CP: variants seen among roughly 807,000 people sequenced by gnomAD.
CP encodes the protein caeruloplasmin.
Under a neutral mutation model 122.4 loss-of-function variants are expected in CP, and 64 were observed. The ratio of observed to expected loss-of-function variants is 0.52; its 90% CI spans 0.43 to 0.64. The LOEUF is 0.64. CP is among the 30% of genes least tolerant of loss of function. The pLI is 0.00. For synonymous variants in CP, 440 were observed against 436.4 expected, an observed-to-expected ratio of 1.01 and a Z score of -0.10; for missense variants, 1,167 against 1,284.4, an observed-to-expected ratio of 0.91 and a Z score of 1.40.
chr3:149,181,643 G>C (rs889953673), intron 14 of CP, among the ~76,000 whole-genome samples: 1 of 152,144 alleles, frequency 6.6e-6, no homozygotes, highest in Non-Finnish European at 1.5e-5. Flanking sequence ...GGCAGCCTCT[G>C]GCCCTTAGAA....
intron 9 of CP, among the ~76,000 whole-genome samples, chr3:149,194,297 G>A (rs1726747364): frequency 6.7e-6 from 1 of 149,432 alleles, no homozygotes; most frequent in African/African-American, 2.5e-5. Flanking sequence ...AGAGTGCAGT[G>A]ATGCAATCTC....
chr3:149,203,197 G>A (rs1220040181), intron 6 of CP, among the ~76,000 whole-genome samples: 2 of 152,160 alleles, frequency 1.3e-5, no homozygotes, highest in Non-Finnish European at 2.9e-5. Context: ...GTAAGCCACT[G>A]CGCCCGGCCC....
chr3:149,171,343 G>T (rs532296357), downstream of CP, among the ~76,000 whole-genome samples: 2 of 152,080 alleles, frequency 1.3e-5, no homozygotes, highest in Non-Finnish European at 2.9e-5. Flanking sequence ...GTAAATGGTC[G>T]TGAAAACAGA....
In CP at chr3:149,199,911, C is replaced by A. The variant is rs192351365; in HGVS notation, c.1349-47G>T. ...TTATCCTTCCTTGGTATGTAACATG[C>A]AGAATGTATAAGATAGTTATCTTCT... On this transcript the variant is annotated intron_variant, in intron 7 of 18. Transcript: ENST00000264613. The A allele has an allele frequency of 4.4e-3, 6,911 of 1,575,540 alleles. 35 individuals carry two copies. The highest frequency in any genetic ancestry group is 0.011 in the South Asian group (956 of 90,174).
At position 149,182,247 on chromosome 3, in the gene CP, C is replaced by G. The variant is rs1378437089; in HGVS notation, c.2426-114G>C. On this transcript the variant is annotated intron_variant, in intron 13 of 18. Coordinates refer to ENST00000264613, the MANE Select transcript of CP (RefSeq NM_000096.4). The stretch of plus-strand genomic sequence containing the variant: ...CCCCATGGGTTTGTGGTATAATACT[C>G]TTGGATTTATACTGCGTCCCAGGGA... The G allele has an allele frequency of 5.9e-6, 7 of 1,188,494 alleles. No homozygotes were observed. The African/African-American group carries it at 1.1e-4, about 18-fold the overall frequency. 73.6% of individuals were successfully genotyped at this position (1,188,494 alleles called of 1,614,324 possible).
intron 15 of CP, among the ~76,000 whole-genome samples, chr3:149,178,973 T>C (rs1195807589): frequency 6.6e-6 from 1 of 152,196 alleles, no homozygotes. Context: ...CCAAGCGCTA[T>C]GGCAGTCCCT....
intron 1 of CP, among the ~76,000 whole-genome samples, chr3:149,217,241 TCA>T (rs1250562139): frequency 6.6e-6 from 1 of 152,094 alleles, no homozygotes; most frequent in Non-Finnish European, 1.5e-5. Flanking sequence ...GGAGAATGAG[TCA>T]TTTAAAGTAA....
intron 9 of CP, among the ~76,000 whole-genome samples, chr3:149,190,176 T>A (rs1170957233): frequency 2.0e-5 from 3 of 151,868 alleles, no homozygotes; most frequent in Non-Finnish European, 4.4e-5. Context: ...GAAATATAAA[T>A]CTCTGGCAAG....
Position 149,198,322 on chromosome 3 carries a change from T to C in CP, c.1713+45A>G, listed in dbSNP as rs751721440. Reference sequence around the variant, plus strand: ...TATTTCTATTTCTGTCAAATGATCATTTTCAAAGAGATTGAACAATTTTTT... The same window carrying C: ...TATTTCTATTTCTGTCAAATGATCACTTTCAAAGAGATTGAACAATTTTTT... On this transcript the variant is annotated intron_variant, in intron 9 of 18. Coordinates refer to ENST00000264613, the MANE Select transcript of CP (RefSeq NM_000096.4). 2.8e-6 allele frequency: 4 copies of C among 1,444,640 alleles called. No individual in the cohort carries two copies. In the South Asian group the frequency reaches 4.6e-5, roughly 17 times the overall value. The allele number at this position is 1,444,640 out of a possible 1,614,324, so 89.5% of individuals were successfully genotyped here. A position where few individuals can be genotyped will look rare whatever the true frequency, so the allele number is the denominator to read the frequency against.
chr3:149,166,995 G>A (rs754148097), intron 4 of CP: 2 of 1,486,894 alleles, frequency 1.3e-6, no homozygotes, highest in East Asian at 2.3e-5. Flanking sequence ...TAGTTTTTGA[G>A]GTGCCTCATT....
At chr3:149,202,709 G>A (rs1463163114) in intron 6 of CP, among the ~76,000 whole-genome samples, 3 of 145,644 alleles carry the variant, frequency 2.1e-5, no homozygotes, top group Non-Finnish European at 4.5e-5. Context: ...CTGGGTTCAC[G>A]CCATTCTCCT....
At chr3:149,192,433 T>C (rs1726597906) in intron 9 of CP, among the ~76,000 whole-genome samples, 1 of 151,848 alleles carries the variant, frequency 6.6e-6, no homozygotes, top group South Asian at 2.1e-4. Flanking sequence ...GACTAAACTG[T>C]AGATGAATAT....
intron 6 of CP, among the ~76,000 whole-genome samples, chr3:149,202,611 T>A: frequency 6.9e-6 from 1 of 144,982 alleles, no homozygotes; most frequent in African/African-American, 2.5e-5. Context: ...TTGTCTTTTT[T>A]TTTTTTTTTT....
At chr3:149,174,475 T>C (rs1368786787) in intron 18 of CP, among the ~76,000 whole-genome samples, 2 of 152,212 alleles carry the variant, frequency 1.3e-5, no homozygotes, top group African/African-American at 4.8e-5. Flanking sequence ...AGAAAGCCAA[T>C]GTGGCTACGC....
intron 9 of CP, among the ~76,000 whole-genome samples, chr3:149,190,031 AAAAT>A (rs1262084879): frequency 1.3e-5 from 2 of 152,184 alleles, no homozygotes; most frequent in East Asian, 3.8e-4. Context: ...AGACTAAATA[AAAAT>A]AAATCTAAAT....
At chr3:149,186,148 T>C (rs1726157783) in intron 11 of CP, 1 of 314,168 alleles carries the variant, frequency 3.2e-6, no homozygotes, top group African/African-American at 2.1e-5. Context: ...CAACACTACA[T>C]CTAGGCTACA....
At chr3:149,192,364 G>T (rs540108840) in intron 9 of CP, among the ~76,000 whole-genome samples, 1 of 151,906 alleles carries the variant, frequency 6.6e-6, no homozygotes, top group African/African-American at 2.4e-5. Flanking sequence ...AAAACTTAGA[G>T]CCTTAGAGCC....
rs137873888 is a variant in CP at position 149,207,865 on chromosome 3, C to A, written c.782-248G>T. ...ATGAACACAATACTGAAGATAAAACCTATTTGCTGTCTTTGTTATAAACTG... is the reference window on the plus strand; with the variant it reads ...ATGAACACAATACTGAAGATAAAACATATTTGCTGTCTTTGTTATAAACTG... On this transcript the variant is annotated intron_variant, in intron 4 of 18. Coordinates refer to ENST00000264613, the MANE Select transcript of CP (RefSeq NM_000096.4). Among the ~76,000 whole-genome samples, 822 of 152,130 alleles carry A rather than the reference C, an allele frequency of 5.4e-3. 7 individuals carry two copies. The highest frequency in any genetic ancestry group is 0.019 in the African/African-American group (775 of 41,500).
downstream of CP, chr3:149,168,451 A>T (rs1202390546): frequency 5.8e-6 from 1 of 173,774 alleles, no homozygotes; most frequent in Admixed American, 5.6e-5. Context: ...TTGAATTTTC[A>T]TAATTCATAA....
Sources: gnomAD v4.1 joint callset for allele counts (sites outside exome capture counted in the v4.1 genomes callset) on GRCh38, gnomAD v4.1.1 for gene constraint, MANE v1.5 for transcripts, NCBI Gene and HGNC (gene_info 2026-07-23, HGNC 2026-07-21) for gene names.